The following PCDHGA1 variants were observed in gnomAD, a reference collection of about 807,000 sequenced individuals.
The protein encoded by PCDHGA1 is protocadherin gamma-A1.
PCDHGA1 carries 32 observed loss-of-function variants against 58.0 expected under a neutral mutation model. The observed-to-expected ratio is 0.55, with a 90% CI of 0.42 to 0.74. The LOEUF (loss-of-function observed/expected upper bound fraction) is 0.74. PCDHGA1 is among the 30% of genes least tolerant of loss of function. The probability of loss-of-function intolerance (pLI) is 0.00; values close to 1 mark genes in which losing one functional copy is unlikely to be tolerated. For missense variants in PCDHGA1, 1,205 were observed against 1,182.3 expected (o/e 1.02, Z -0.28); for synonymous variants, 498 against 501.1 (o/e 0.99, Z 0.08).
intron 1 of PCDHGA1, among the ~76,000 whole-genome samples, chr5:141,347,416 A>T (rs1353584757): frequency 1.3e-5 from 2 of 152,004 alleles, no homozygotes; most frequent in Non-Finnish European, 2.9e-5. Context: ...CAGCCTCCCA[A>T]AGTACTGCGA....
chr5:141,371,660 C>A, intron 1 of PCDHGA1: 1 of 1,614,032 alleles, frequency 6.2e-7, no homozygotes. Context: ...ATGTGACGAT[C>A]ACAGCTACCG....
Position 141,331,551 on chromosome 5 carries a change from C to T in PCDHGA1, c.867C>T (p.Ala289=). The change falls in exon 1 of 4, where the codon GCC becomes GCT. Residue 289 remains alanine, a synonymous_variant. Transcript: ENST00000517417. ...YSFHNVDHRV[A]QIFRLDSYTG... The stretch of plus-strand genomic sequence containing the variant: ...TTCACAATGTAGACCACAGAGTGGC[C>T]CAAATATTTCGTTTAGATTCTTACA... 6.2e-7 allele frequency: 1 copy of T among 1,613,982 alleles called. No individual in the cohort carries two copies. Among genetic ancestry groups the T allele is most frequent in the Non-Finnish European group, 8.5e-7 (1 of 1,180,026 alleles).
chr5:141,498,053 G>A (rs2099781284), intron 2 of PCDHGA1, among the ~76,000 whole-genome samples: 1 of 152,204 alleles, frequency 6.6e-6, no homozygotes, highest in Non-Finnish European at 1.5e-5. Flanking sequence ...AAATAAATGT[G>A]AGACTGAAAC....
In PCDHGA1 at chr5:141,350,432, G is replaced by C. The variant is rs139554138; in HGVS notation, c.2421+17327G>C. 1.4e-3 allele frequency: 2,289 copies of C among 1,610,622 alleles called. 30 individuals are homozygous for C. In the East Asian group the frequency reaches 0.023, roughly 16 times the overall value. On this transcript the variant is annotated intron_variant, in intron 1 of 3. Transcript: ENST00000517417. ...CAAGGATCTGGGGCTCAGTGTCCGG[G>C]AGTTGCCAACTCGAAAACTGCGGGT...
intron 1 of PCDHGA1, chr5:141,398,248 A>G (rs908511447): frequency 1.4e-6 from 2 of 1,472,692 alleles, no homozygotes; most frequent in African/African-American, 2.9e-5. Flanking sequence ...TCCCGAGGAA[A>G]TGCCCAAGGG....
At chr5:141,506,566 T>C (rs909998933) in intron 3 of PCDHGA1, among the ~76,000 whole-genome samples, 33 of 152,022 alleles carry the variant, frequency 2.2e-4, no homozygotes, top group Non-Finnish European at 2.9e-5. Flanking sequence ...ACCCCCTCGG[T>C]TTCACTTACT....
intron 1 of PCDHGA1, among the ~76,000 whole-genome samples, chr5:141,382,559 C>T (rs1588920623): frequency 1.3e-5 from 2 of 152,238 alleles, no homozygotes; most frequent in East Asian, 1.9e-4. Context: ...ATATCTAGAG[C>T]AAAGAAATCT....
In PCDHGA1 at chr5:141,428,115, G is replaced by T. The variant is rs753384738; in HGVS notation, c.2422-66692G>T. 5 of 1,607,062 alleles carry T rather than the reference G, an allele frequency of 3.1e-6. No homozygotes were observed. In the South Asian group the frequency reaches 5.5e-5, roughly 18 times the overall value. On this transcript the variant is annotated intron_variant, in intron 1 of 3. Coordinates refer to ENST00000517417, the MANE Select transcript of PCDHGA1 (RefSeq NM_018912.3). ...GTCCTACCACGTGCTGCAGGCCATC[G>T]AGCCCGGGCTTTTCAGCCTGGGGCT...
intron 1 of PCDHGA1, chr5:141,376,510 G>A: frequency 6.2e-7 from 1 of 1,614,028 alleles, no homozygotes; most frequent in Non-Finnish European, 8.5e-7. Flanking sequence ...AACTTCAGGT[G>A]AGTTTCTTTC....
intron 1 of PCDHGA1, chr5:141,341,611 G>A (rs1757072628): frequency 2.2e-6 from 2 of 924,930 alleles, no homozygotes; most frequent in Non-Finnish European, 1.6e-6. Context: ...ATGTAAACCA[G>A]GAGTTAATAG....
intron 1 of PCDHGA1, chr5:141,351,749 C>A: frequency 1.2e-6 from 2 of 1,613,660 alleles, no homozygotes; most frequent in Non-Finnish European, 1.7e-6. Flanking sequence ...GCCGCGGGAG[C>A]TGTTGTCCTA....
intron 1 of PCDHGA1, among the ~76,000 whole-genome samples, chr5:141,460,120 A>C (rs1404213559): frequency 1.3e-5 from 2 of 151,956 alleles, no homozygotes; most frequent in Non-Finnish European, 2.9e-5. Flanking sequence ...ATTTTTATAT[A>C]TGTAATATAT....
intron 1 of PCDHGA1, among the ~76,000 whole-genome samples, chr5:141,472,508 C>T (rs140607073): frequency 0.01 from 1,548 of 151,922 alleles, 35 homozygotes; most frequent in African/African-American, 0.035. Flanking sequence ...CCACTGCACT[C>T]CAGCCTGGGT....
intron 1 of PCDHGA1, among the ~76,000 whole-genome samples, chr5:141,402,740 C>A (rs2094301178): frequency 6.6e-6 from 1 of 152,146 alleles, no homozygotes; most frequent in Non-Finnish European, 1.5e-5. Context: ...CGCTGTTGAT[C>A]AACTCTAAGC....
chr5:141,388,395 C>G (rs1445370262), intron 1 of PCDHGA1: 2 of 1,613,810 alleles, frequency 1.2e-6, no homozygotes, highest in Non-Finnish European at 8.5e-7. Flanking sequence ...GCAGAATTAC[C>G]AACTCAGTCC....
At chr5:141,420,527 G>T (rs368419425) in intron 1 of PCDHGA1, 3 of 349,150 alleles carry the variant, frequency 8.6e-6, no homozygotes, top group Non-Finnish European at 1.5e-5. Flanking sequence ...ATACCTTTCG[G>T]TTAAAAATAT....
intron 1 of PCDHGA1, chr5:141,374,331 GC>G (rs1334948062): frequency 1.2e-6 from 2 of 1,614,024 alleles, no homozygotes; most frequent in Admixed American, 3.3e-5. Flanking sequence ...CGAAACGGCA[GC>G]TTGGTCACCG....
intron 3 of PCDHGA1, among the ~76,000 whole-genome samples, chr5:141,509,693 G>A (rs72790076): frequency 0.024 from 3,613 of 152,246 alleles, 55 homozygotes; most frequent in East Asian, 0.046. Flanking sequence ...ACAGTGGGAC[G>A]TTGGACTGGA....
chr5:141,336,644 C>T (rs1049030756), intron 1 of PCDHGA1, among the ~76,000 whole-genome samples: 2 of 152,150 alleles, frequency 1.3e-5, no homozygotes, highest in African/African-American at 2.4e-5. Flanking sequence ...AGCAATAAAA[C>T]CCTTTTAGTT....
Sources: allele counts gnomAD v4.1 joint callset (sites outside exome capture counted in the v4.1 genomes callset), GRCh38; gene constraint gnomAD v4.1.1; transcripts MANE v1.5; gene names NCBI Gene and HGNC (gene_info 2026-07-23, HGNC 2026-07-21).